The following BCAN variants were observed in gnomAD, a reference collection of about 807,000 sequenced individuals.
BCAN encodes the protein brevican core protein.
Under a neutral mutation model 92.4 loss-of-function variants are expected in BCAN, and 51 were observed. That is an observed-to-expected ratio of 0.55 (90% CI 0.44 to 0.70). The LOEUF (loss-of-function observed/expected upper bound fraction) is 0.70, where lower values mean the gene tolerates loss of function less well. Ranked by LOEUF, BCAN falls within the 30% of genes least tolerant of loss-of-function variation. BCAN has a pLI of 0.00. For synonymous variants in BCAN, 501 were observed against 505.2 expected, an observed-to-expected ratio of 0.99 and a Z score of 0.11; for missense variants, 1,140 against 1,212.1, an observed-to-expected ratio of 0.94 and a Z score of 0.88.
At position 156,647,646 on chromosome 1, in the gene BCAN, A is replaced by G; in HGVS notation, c.605A>G (p.Gln202Arg). 1 of 1,605,092 alleles carries G rather than the reference A, an allele frequency of 6.2e-7. No individual in the cohort carries two copies. Among genetic ancestry groups the G allele is most frequent in the Non-Finnish European group, 8.5e-7 (1 of 1,175,148 alleles). ...LYAAYLGGYE[Q>R]CDAGWLSDQT... is the part of the protein sequence containing the mutation. ...GCCGCCTACCTTGGGGGCTATGAGC[A>G]ATGTGATGCTGGCTGGCTGTCGGAT... Residue 202 changes from glutamine (Q) to arginine (R), a missense_variant, in exon 4 of 14, where the codon CAA (glutamine) becomes CGA (arginine). Physicochemically the swap from Gln to Arg is conservative, Grantham distance 43. Transcript: ENST00000329117. The surrounding 1 kb of genome is among the most constrained non-coding windows in gnomAD (Gnocchi z 4.8).
intron 6 of BCAN, 86 bp from the exon 7 acceptor site, chr1:156,651,370 T>G: frequency 8.2e-7 from 1 of 1,224,184 alleles, no homozygotes; most frequent in Admixed American, 2.0e-5. Flanking sequence ...TGTGAGAGAA[T>G]TGAGAGAATT....
chr1:156,652,295 G>A lies in BCAN; in HGVS notation c.1345G>A (p.Glu449Lys). The change falls in exon 8 of 14, where the codon GAA becomes AAA. Residue 449 changes from glutamate to lysine, a missense_variant. Glu to Lys is a moderately conservative substitution (Grantham distance 56, BLOSUM62 1). Coordinates refer to ENST00000329117, the MANE Select transcript of BCAN (RefSeq NM_021948.5). ...ACCGCCCACGGGGTTCTCAGAAGAG[G>A]AAGGTAAGGCATTGGAGGAAGAAGA... ...MVPPTGFSEE[E>K]GKALEEEEKY... The A allele has an allele frequency of 6.2e-7, 1 of 1,611,808 alleles. No individual in the cohort carries two copies. Among genetic ancestry groups the A allele is most frequent in the Non-Finnish European group, 8.5e-7 (1 of 1,178,994 alleles).
intron 9 of BCAN, 81 bp from the exon 10 acceptor site, chr1:156,656,857 G>C: frequency 6.5e-7 from 1 of 1,547,254 alleles, no homozygotes; most frequent in Non-Finnish European, 8.8e-7. Context: ...GCCTGCGGTA[G>C]TGGAAGGAGA....
In BCAN at chr1:156,658,721, G is replaced by T; in HGVS notation, c.2616G>T (p.Val872=). The change falls in exon 13 of 14, where the codon GTG becomes GTT. Residue 872 remains valine (V), a synonymous_variant. Coordinates refer to ENST00000329117, the MANE Select transcript of BCAN (RefSeq NM_021948.5). The surrounding 1 kb of genome is among the most constrained non-coding windows in gnomAD (Gnocchi z 4.4). The part of the protein sequence containing the change: ...GRWEAPQISC[V]PRRPARALHP... The stretch of plus-strand genomic sequence containing the variant: ...GGGAGGCCCCCCAGATCTCCTGTGT[G>T]CCCAGAAGACCTGTGAGTGCCAGGA... 1 of 1,614,004 alleles carries T rather than the reference G, an allele frequency of 6.2e-7. No individual in the cohort carries two copies. The highest frequency in any genetic ancestry group is 1.3e-5 in the African/African-American group (1 of 75,050).
chr1:156,643,635 C>CACACACAGAGAGAG (rs549293956), intron 1 of BCAN: 10 of 103,856 alleles, frequency 9.6e-5, no homozygotes, highest in African/African-American at 2.4e-4. Context: ...CACACACACA[C>CACACACAGAGAGAG]AGAGAGAGAG....
intron 6 of BCAN, among the ~76,000 whole-genome samples, chr1:156,650,167 A>G (rs1020317624): frequency 2.0e-5 from 3 of 152,118 alleles, no homozygotes; most frequent in Non-Finnish European, 4.4e-5. Flanking sequence ...TAATAATAGT[A>G]ATAGCTAAAA....
intron 9 of BCAN, 36 bp downstream of exon 9, chr1:156,656,425 T>C (rs780013245): frequency 7.6e-7 from 1 of 1,312,278 alleles, no homozygotes; most frequent in South Asian, 2.7e-5. Flanking sequence ...GTTTGAAGCC[T>C]GGACCCTGCC....
chr1:156,645,296 A>G (rs995528729), intron 1 of BCAN, among the ~76,000 whole-genome samples: 7 of 152,254 alleles, frequency 4.6e-5, no homozygotes, highest in Non-Finnish European at 7.3e-5. Flanking sequence ...TTCTGAGCCA[A>G]GAGTTCCGGT....
chr1:156,653,301 C>T lies in BCAN; in HGVS notation c.1942+409C>T, dbSNP rs186940382. 2.7e-6 allele frequency: 3 copies of T among 1,091,626 alleles called. No homozygotes were observed. The African/African-American group carries it at 4.9e-5, about 18-fold the overall frequency. The allele number at this position is 1,091,626 out of a possible 1,614,324, so 67.6% of individuals were successfully genotyped here. A position where few individuals can be genotyped will look rare whatever the true frequency, so the allele number is the denominator to read the frequency against. ...GTGTGCCGTCCCCTTTAGCTGCCTC[C>T]TATTGATCTCAGGGAAGCCTGGGAG... On this transcript the variant is annotated intron_variant, in intron 8 of 13. Coordinates refer to ENST00000329117, the MANE Select transcript of BCAN (RefSeq NM_021948.5).
At chr1:156,648,162 C>T in intron 5 of BCAN, 52 bp downstream of exon 5, 1 of 1,596,468 alleles carries the variant, frequency 6.3e-7, no homozygotes, top group Non-Finnish European at 8.6e-7. Context: ...CCCATGCTGC[C>T]CATAGGTCCT....
At chr1:156,643,638 A>G (rs1222205180) in intron 1 of BCAN, 1 of 148,780 alleles carries the variant, frequency 6.7e-6, no homozygotes, top group African/African-American at 2.6e-5. Flanking sequence ...ACACACACAG[A>G]GAGAGAGAGA....
chr1:156,644,431 G>C (rs1445577949), intron 1 of BCAN: 1 of 152,546 alleles, frequency 6.6e-6, no homozygotes. Context: ...AGCACCCGGT[G>C]GGCACTGGCT....
At position 156,647,128 on chromosome 1, in the gene BCAN, A is replaced by G; in HGVS notation, c.419A>G (p.Gln140Arg). ...NDSGIYRCEV[Q>R]HGIDDSSDAV... ...TCAGGTATCTATCGCTGTGAGGTCC[A>G]GCACGGCATCGATGACAGCAGCGAC... The change falls in exon 3 of 14, where the codon CAG becomes CGG. Residue 140 changes from glutamine (Q) to arginine (R), a missense_variant. Gln to Arg is a conservative substitution (Grantham distance 43). This residue lies in a region of BCAN where 286 missense variants were observed against 284.1 expected (regional missense o/e 1.01). Coordinates refer to ENST00000329117, the MANE Select transcript of BCAN (RefSeq NM_021948.5). The surrounding 1 kb of genome is among the most constrained non-coding windows in gnomAD (Gnocchi z 4.8). 2.1e-6 allele frequency: 3 copies of G among 1,451,900 alleles called. No individual in the cohort carries two copies. Among genetic ancestry groups the G allele is most frequent in the Non-Finnish European group, 2.8e-6 (3 of 1,074,400 alleles). 89.9% of individuals were successfully genotyped at this position (1,451,900 alleles called of 1,614,324 possible).
In BCAN at chr1:156,648,007, G is replaced by T; in HGVS notation, c.666G>T (p.Glu222Asp). The change falls in exon 5 of 14, where the codon GAG becomes GAT. Residue 222 changes from glutamate to aspartate, a missense_variant. Physicochemically the swap from Glu to Asp is conservative, Grantham distance 45 (BLOSUM62 2). This residue lies in a region of BCAN where 29 missense variants were observed against 56.2 expected (regional missense o/e 0.52). Coordinates refer to ENST00000329117, the MANE Select transcript of BCAN (RefSeq NM_021948.5). ...GGTATCCCATCCAGACCCCACGAGA[G>T]GCCTGTTACGGAGACATGGATGGCT... ...TVRYPIQTPREACYGDMDGFP... is the reference protein window; with the variant it reads ...TVRYPIQTPRDACYGDMDGFP... 1 of 1,614,030 alleles carries T rather than the reference G, an allele frequency of 6.2e-7. No individual in the cohort carries two copies. The highest frequency in any genetic ancestry group is 8.5e-7 in the Non-Finnish European group (1 of 1,179,930).
Position 156,648,647 on chromosome 1 carries a change from G to A in BCAN, c.849G>A (p.Glu283=), listed in dbSNP as rs748423092. The change falls in exon 6 of 14, where the codon GAG becomes GAA. Residue 283 remains glutamate, a synonymous_variant. Coordinates refer to ENST00000329117, the MANE Select transcript of BCAN (RefSeq NM_021948.5). The part of the protein sequence containing the change: ...ARAYCQERGA[E]IATTGQLYAA... ...CGTACTGCCAGGAGCGGGGTGCAGA[G>A]ATTGCCACCACGGGCCAACTGTATG... 17 of 1,613,032 alleles carry A rather than the reference G, an allele frequency of 1.1e-5. No individual in the cohort carries two copies. Among genetic ancestry groups the A allele is most frequent in the Non-Finnish European group, 8.5e-7 (1 of 1,179,192 alleles).
chr1:156,656,239 C>T lies in BCAN; in HGVS notation c.1943-43C>T, dbSNP rs750535192. 3.7e-5 allele frequency: 51 copies of T among 1,372,128 alleles called. 1 individual carries two copies. Among genetic ancestry groups the T allele is most frequent in the South Asian group, 3.4e-4 (19 of 55,576 alleles). The allele number at this position is 1,372,128 out of a possible 1,614,324, so 85.0% of individuals were successfully genotyped here. A position where few individuals can be genotyped will look rare whatever the true frequency, so the allele number is the denominator to read the frequency against. ...CCTGGAGGGCTCAGGCTGCAGAGTG[C>T]GGCTGCCTCGCTCCCCCCGCCTCAC... On this transcript the variant is annotated intron_variant, in intron 8 of 13. Coordinates refer to ENST00000329117, the MANE Select transcript of BCAN (RefSeq NM_021948.5).
rs183219725 is a variant in BCAN at position 156,647,017 on chromosome 1, C to T, written c.308C>T (p.Ala103Val). The change falls in exon 3 of 14, where the codon GCC becomes GTC. Residue 103 changes from alanine (A) to valine (V), a missense_variant. Physicochemically the swap from Ala to Val is moderately conservative, Grantham distance 64. Transcript: ENST00000329117. This position sits in a 1 kb window ranked among gnomAD's most constrained non-coding sequence, Gnocchi z 4.8. ...GGAGTGCGCGTCAAGGTGAACGAGG[C>T]CTACCGGTTCCGCGTGGCACTGCCT... ...ARGVRVKVNE[A>V]YRFRVALPAY... is the part of the protein sequence containing the mutation. 1 of 1,612,924 alleles carries T rather than the reference C, an allele frequency of 6.2e-7. No individual in the cohort carries two copies. The highest frequency in any genetic ancestry group is 2.2e-5 in the East Asian group (1 of 44,846).
chr1:156,651,463 C>A lies in BCAN; in HGVS notation c.1071C>A (p.Ala357=). The part of the protein sequence containing the change: ...RFNVYCFRDS[A]QPSAIPEASN... ...ACTTTCCTCCTGCCACAGACTCGGCCCAGCCTTCTGCCATCCCTGAGGCCT... is the reference window on the plus strand; with the variant it reads ...ACTTTCCTCCTGCCACAGACTCGGCACAGCCTTCTGCCATCCCTGAGGCCT... Residue 357 remains alanine (A), a synonymous_variant, in exon 7 of 14, where the codon GCC becomes GCA. Coordinates refer to ENST00000329117, the MANE Select transcript of BCAN (RefSeq NM_021948.5). 2.5e-6 allele frequency: 4 copies of A among 1,613,598 alleles called. No homozygotes were observed. Among genetic ancestry groups the A allele is most frequent in the Non-Finnish European group, 3.4e-6 (4 of 1,179,868 alleles).
chr1:156,653,845 G>A (rs1290169444), intron 8 of BCAN, among the ~76,000 whole-genome samples: 2 of 152,108 alleles, frequency 1.3e-5, no homozygotes, highest in South Asian at 2.1e-4. Context: ...GAGTGCATGT[G>A]TTGTGCATTT....
Sources: allele counts gnomAD v4.1 joint callset (sites outside exome capture counted in the v4.1 genomes callset), GRCh38; gene constraint gnomAD v4.1.1; regional missense constraint gnomAD v4.1.1; non-coding constraint Gnocchi (gnomAD v3.1); transcripts MANE v1.5; gene names NCBI Gene and HGNC (gene_info 2026-07-23, HGNC 2026-07-21).